Variants in NFASC observed in about 807,000 individuals in gnomAD.
NFASC encodes neurofascin homolog.
In NFASC, 43 loss-of-function variants were observed where a neutral mutation model predicts 147.5. The ratio of observed to expected loss-of-function variants is 0.29; its 90% CI spans 0.23 to 0.38. The LOEUF is 0.38. Ranked by LOEUF, NFASC falls within the 10% of genes least tolerant of loss-of-function variation. The probability of loss-of-function intolerance (pLI) is 1.00; values close to 1 mark genes in which losing one functional copy is unlikely to be tolerated. For missense variants in NFASC, 1,320 were observed against 1,689.0 expected (o/e 0.78, Z 3.83); for synonymous variants, 622 against 665.5 (o/e 0.93, Z 1.01).
intron 29 of NFASC, among the ~76,000 whole-genome samples, chr1:205,014,752 A>C (rs1485269888): frequency 6.6e-6 from 1 of 152,020 alleles, no homozygotes. Context: ...CAGTGGCTGC[A>C]CTTAGCTTAG....
At chr1:204,833,234 A>G (rs12023574) in intron 1 of NFASC, among the ~76,000 whole-genome samples, 36,624 of 152,260 alleles carry the variant, frequency 0.24, 7,042 homozygotes, top group East Asian at 0.78. Context: ...ACCCTACTCT[A>G]TGCTTTATAT....
At chr1:205,002,790 G>A (rs371595654) in intron 27 of NFASC, 42 bp downstream of exon 27, 46 of 1,368,624 alleles carry the variant, frequency 3.4e-5, no homozygotes, top group Non-Finnish European at 4.3e-5. Context: ...CAAGCATGGG[G>A]CATTTCATTC....
chr1:205,000,695 C>T (rs148214789), intron 25 of NFASC: 145 of 181,490 alleles, frequency 8.0e-4, no homozygotes, highest in African/African-American at 3.2e-3. Context: ...GGCATGGTGG[C>T]GGGGGCCTGT....
At chr1:204,994,725 G>T (rs533445151) in intron 24 of NFASC, among the ~76,000 whole-genome samples, 2 of 152,128 alleles carry the variant, frequency 1.3e-5, no homozygotes, top group African/African-American at 4.8e-5. Flanking sequence ...GCTTGATCTC[G>T]GCTCACTGCA....
In NFASC at chr1:204,891,119, G is replaced by A. The variant is rs183546340; in HGVS notation, c.-199-29513G>A. The stretch of plus-strand genomic sequence containing the variant: ...GGTCTCTTCCCTGATTGGGTCCTAG[G>A]TCACTTGGCATCTTGGCATGGAATC... On this transcript the variant is annotated intron_variant, in intron 1 of 29. Coordinates refer to ENST00000339876, the MANE Select transcript of NFASC (RefSeq NM_001005388.3). Among the ~76,000 whole-genome samples the A allele has an allele frequency of 1.5e-3, 223 of 152,274 alleles. 4 individuals carry two copies. The highest frequency in any genetic ancestry group is 0.012 in the Admixed American group (177 of 15,294).
chr1:204,828,890 C>T (rs2102289249), intron 1 of NFASC, 108 bp downstream of exon 1: 1 of 708,632 alleles, frequency 1.4e-6, no homozygotes, highest in Non-Finnish European at 1.7e-6. Context: ...TGACCTGCCC[C>T]CTCCCCCTCC....
chr1:204,974,702 T>G lies in NFASC; in HGVS notation c.1437T>G (p.His479Gln). 1 of 1,614,200 alleles carries G rather than the reference T, an allele frequency of 6.2e-7. No individual in the cohort carries two copies. The highest frequency in any genetic ancestry group is 8.5e-7 in the Non-Finnish European group (1 of 1,180,030). The change falls in exon 14 of 30, where the codon CAT becomes CAG. Residue 479 changes from histidine (H) to glutamine (Q), a missense_variant. Around this residue, in one of 3 missense-constraint regions of NFASC, gnomAD observed 981 missense variants for 1,289.5 expected, o/e 0.76. Transcript: ENST00000339876. ...GCAACCTGGATGGTGGCAACTACCA[T>G]GTTTATGAGAACGGCAGTCTGGAAA... is the stretch of plus-strand genomic sequence containing the variant. The part of the protein sequence containing the change: ...QGSNLDGGNY[H>Q]VYENGSLEIK...
intron 2 of NFASC, among the ~76,000 whole-genome samples, chr1:204,922,319 G>A (rs938371298): frequency 6.6e-6 from 1 of 152,274 alleles, no homozygotes; most frequent in African/African-American, 2.4e-5. Context: ...GATGACAGCA[G>A]CCTCACTGTC....
At chr1:204,833,016 C>T (rs1672677487) in intron 1 of NFASC, among the ~76,000 whole-genome samples, 1 of 152,232 alleles carries the variant, frequency 6.6e-6, no homozygotes, top group Admixed American at 6.5e-5. Flanking sequence ...CCCTGGACTG[C>T]AGAAGAGGGC....
rs2095066958 is a variant in NFASC at position 204,968,294 on chromosome 1, G to A, written c.752G>A (p.Gly251Asp). 5 of 1,614,152 alleles carry A rather than the reference G, an allele frequency of 3.1e-6. No individual in the cohort carries two copies. Among genetic ancestry groups the A allele is most frequent in the Admixed American group, 1.7e-5 (1 of 60,022 alleles). The change falls in exon 9 of 30, where the codon GGC (glycine) becomes GAC (aspartate). Residue 251 changes from glycine (G) to aspartate (D), a missense_variant. Around this residue, in one of 3 missense-constraint regions of NFASC, gnomAD observed 981 missense variants for 1,289.5 expected, o/e 0.76. Coordinates refer to ENST00000339876, the MANE Select transcript of NFASC (RefSeq NM_001005388.3). This position sits in a 1 kb window ranked among gnomAD's most constrained non-coding sequence, Gnocchi z 5.4. ...ERTPSFMYPQ[G>D]TASSQMVLRG... ...ACACCAAGCTTCATGTATCCCCAGG[G>A]CACCGCGAGCAGCCAGATGGTGCTT...
At position 204,979,164 on chromosome 1, in the gene NFASC, C is replaced by G; in HGVS notation, c.1978+95C>G. The G allele has an allele frequency of 8.9e-7, 1 of 1,119,854 alleles. No individual in the cohort carries two copies. Among genetic ancestry groups the G allele is most frequent in the Non-Finnish European group, 1.3e-6 (1 of 769,838 alleles). 69.4% of individuals were successfully genotyped at this position (1,119,854 alleles called of 1,614,324 possible). On this transcript the variant is annotated intron_variant, in intron 18 of 29. Transcript: ENST00000339876. This position sits in a 1 kb window ranked among gnomAD's most constrained non-coding sequence, Gnocchi z 6.0. ...CTGGTTTCCAGCCCCACTTCTGCCT[C>G]GCTTGATGTGTGTCCTGGGCTAACC...
At chr1:204,914,170 C>A (rs186269551) in intron 1 of NFASC, among the ~76,000 whole-genome samples, 1 of 152,116 alleles carries the variant, frequency 6.6e-6, no homozygotes, top group Non-Finnish European at 1.5e-5. Flanking sequence ...AAGAATCAAC[C>A]AACTGCCCAG....
intron 1 of NFASC, among the ~76,000 whole-genome samples, chr1:204,857,276 A>G (rs1452099232): frequency 6.6e-6 from 1 of 152,218 alleles, no homozygotes; most frequent in Non-Finnish European, 1.5e-5. Flanking sequence ...AAGTGGGCCC[A>G]AAATCCCACC....
intron 1 of NFASC, among the ~76,000 whole-genome samples, chr1:204,876,664 G>A (rs4951143): frequency 0.21 from 31,378 of 151,788 alleles, 5,028 homozygotes; most frequent in East Asian, 0.48. Context: ...TTTGAACTTA[G>A]CTACGCTAGG....
intron 10 of NFASC, 56 bp downstream of exon 10, chr1:204,969,038 C>A: frequency 1.3e-6 from 2 of 1,512,684 alleles, no homozygotes; most frequent in Non-Finnish European, 1.8e-6. Context: ...ACACCATGCC[C>A]ACCCTTCCCT....
intron 8 of NFASC, among the ~76,000 whole-genome samples, chr1:204,962,681 C>T (rs1335922339): frequency 6.6e-6 from 1 of 152,174 alleles, no homozygotes; most frequent in Non-Finnish European, 1.5e-5. Flanking sequence ...TCTTTAAAAT[C>T]CATCTGGGCA....
At chr1:204,993,736 A>G (rs775461778) in intron 24 of NFASC, 2 of 515,838 alleles carry the variant, frequency 3.9e-6, no homozygotes, top group South Asian at 1.4e-5. Flanking sequence ...TGTAGCTCCT[A>G]TTGCGGCAGG....
chr1:204,876,535 T>G (rs1392382359), intron 1 of NFASC, among the ~76,000 whole-genome samples: 1 of 152,150 alleles, frequency 6.6e-6, no homozygotes, highest in Non-Finnish European at 1.5e-5. Context: ...ATAACCATCA[T>G]CACTACACCC....
chr1:204,868,897 T>C (rs1174740141), intron 1 of NFASC, among the ~76,000 whole-genome samples: 2 of 152,214 alleles, frequency 1.3e-5, no homozygotes, highest in Non-Finnish European at 2.9e-5. Flanking sequence ...CATTAACCCC[T>C]CTGTACCTTG....
Sources: allele counts gnomAD v4.1 joint callset (sites outside exome capture counted in the v4.1 genomes callset), GRCh38; gene constraint gnomAD v4.1.1; regional missense constraint gnomAD v4.1.1; non-coding constraint Gnocchi (gnomAD v3.1); transcripts MANE v1.5; gene names NCBI Gene and HGNC (gene_info 2026-07-23, HGNC 2026-07-21).